The following OSBP2 variants were observed in gnomAD, a reference collection of about 807,000 sequenced individuals.
OSBP2 encodes oxysterol-binding protein 2.
In OSBP2, 66 loss-of-function variants were observed where a neutral mutation model predicts 96.0. The ratio of observed to expected loss-of-function variants is 0.69; its 90% CI spans 0.56 to 0.84. The LOEUF (loss-of-function observed/expected upper bound fraction) is 0.84, where lower values mean the gene tolerates loss of function less well. Ranked by LOEUF, OSBP2 falls within the 40% of genes least tolerant of loss-of-function variation. The probability of loss-of-function intolerance (pLI) is 0.00; values close to 1 mark genes in which losing one functional copy is unlikely to be tolerated. For missense variants in OSBP2, 1,038 were observed against 1,222.7 expected, an observed-to-expected ratio of 0.85 and a Z score of 2.25; for synonymous variants, 525 against 520.9, an observed-to-expected ratio of 1.01 and a Z score of -0.11.
At chr22:30,889,329 CA>C in intron 6 of OSBP2, 95 bp downstream of exon 6, 1 of 1,430,540 alleles carries the variant, frequency 7.0e-7, no homozygotes, top group Admixed American at 1.8e-5. Flanking sequence ...GGCCAGCAGG[CA>C]GGCCCATGCC....
chr22:30,695,720 G>A (rs2089018910), intron 1 of OSBP2, among the ~76,000 whole-genome samples, 167 bp downstream of exon 1: 1 of 152,246 alleles, frequency 6.6e-6, no homozygotes. Context: ...CAAGGGCCGG[G>A]GGCCCTGACC....
chr22:30,693,919 C>G (rs2088970571), upstream of OSBP2: 1 of 712,384 alleles, frequency 1.4e-6, no homozygotes, highest in East Asian at 2.8e-5. Context: ...GAACCAAGAT[C>G]ACGCCACTGC....
chr22:30,889,778 T>G lies in OSBP2; in HGVS notation c.1623+142T>G, dbSNP rs891005720. On this transcript the variant is annotated intron_variant, in intron 7 of 13. Coordinates refer to ENST00000332585, the MANE Select transcript of OSBP2 (RefSeq NM_030758.4). ...CGGCACCTGAGGAGCATGTAACTAA[T>G]TATCTAATCGTGCACATAGGCATTG... is the stretch of plus-strand genomic sequence containing the variant. The G allele has an allele frequency of 9.3e-6, 7 of 753,074 alleles. No individual in the cohort carries two copies. In the African/African-American group the frequency reaches 1.0e-4, roughly 11 times the overall value. 46.6% of individuals were successfully genotyped at this position (753,074 alleles called of 1,614,324 possible). A position where few individuals can be genotyped will look rare whatever the true frequency, so the allele number is the denominator to read the frequency against.
chr22:30,715,054 C>CTT (rs555357856), intron 1 of OSBP2, among the ~76,000 whole-genome samples: 1 of 145,632 alleles, frequency 6.9e-6, no homozygotes, highest in Admixed American at 6.9e-5. Context: ...GAAAATGTTT[C>CTT]TTTTTTTTTT....
rs1376443982 is a variant in OSBP2, at chr22:30,837,116, G to T, written c.854-33313G>T. ...AACAACAACTAAAATACAAAAATTAGCCAGGTGTAGTGGCATCTACCTGTA... is the reference window on the plus strand; with the variant it reads ...AACAACAACTAAAATACAAAAATTATCCAGGTGTAGTGGCATCTACCTGTA... On this transcript the variant is annotated intron_variant, in intron 2 of 13. Transcript: ENST00000332585. 2.0e-5 allele frequency among the ~76,000 whole-genome samples: 3 copies of T among 151,960 alleles called. No individual in the cohort carries two copies. The East Asian group carries it at 5.8e-4, about 29-fold the overall frequency.
rs78725557 is a variant in OSBP2 at position 30,726,863 on chromosome 22, A to T, written c.645-14298A>T. Among the ~76,000 whole-genome samples the T allele has an allele frequency of 3.9e-3, 590 of 152,330 alleles. 4 individuals carry two copies. The highest frequency in any genetic ancestry group is 0.013 in the African/African-American group (544 of 41,572). On this transcript the variant is annotated intron_variant, in intron 1 of 13. Coordinates refer to ENST00000332585, the MANE Select transcript of OSBP2 (RefSeq NM_030758.4). The stretch of plus-strand genomic sequence containing the variant: ...TCTCAGAGTGACAGCCTCATCTCCG[A>T]AAGTGAGCACTGCGTAAGTAGAGGC...
At chr22:30,861,439 G>A (rs920549561) in intron 2 of OSBP2, among the ~76,000 whole-genome samples, 5 of 152,224 alleles carry the variant, frequency 3.3e-5, no homozygotes, top group Non-Finnish European at 5.9e-5. Flanking sequence ...CTTAGCACTC[G>A]CTGCAGCAGG....
At chr22:30,822,191 G>A (rs1451809431) in intron 2 of OSBP2, among the ~76,000 whole-genome samples, 1 of 152,236 alleles carries the variant, frequency 6.6e-6, no homozygotes, top group East Asian at 1.9e-4. Context: ...CCCATTTCCC[G>A]CGTGCCCCTT....
intron 2 of OSBP2, among the ~76,000 whole-genome samples, chr22:30,751,480 A>G (rs2090073070): frequency 6.6e-6 from 1 of 151,684 alleles, no homozygotes; most frequent in South Asian, 2.1e-4. Context: ...TCAGCCTCCC[A>G]AGTAGCTGGG....
At position 30,695,291 on chromosome 22, in the gene OSBP2, T is replaced by C. The variant is rs2089007049; in HGVS notation, c.382T>C (p.Ser128Pro). Reference sequence around the variant, plus strand: ...CACTAAGGCCGCATCGGAGCCGCTCTCCCGGGCGGTGGGGAGCGCGACCTT... The same window carrying C: ...CACTAAGGCCGCATCGGAGCCGCTCCCCCGGGCGGTGGGGAGCGCGACCTT... Reference protein sequence around the residue: ...PFTKAASEPLSRAVGSATFLR... With the variant: ...PFTKAASEPLPRAVGSATFLR... Residue 128 changes from serine to proline, a missense_variant, in exon 1 of 14, where the codon TCC becomes CCC. Physicochemically the swap from Ser to Pro is moderately conservative, Grantham distance 74. This residue lies in a region of OSBP2 where 281 missense variants were observed against 273.4 expected (regional missense o/e 1.03). Coordinates refer to ENST00000332585, the MANE Select transcript of OSBP2 (RefSeq NM_030758.4). The C allele has an allele frequency of 1.2e-6, 2 of 1,613,426 alleles. No individual in the cohort carries two copies. Among genetic ancestry groups the C allele is most frequent in the Admixed American group, 1.7e-5 (1 of 60,024 alleles).
At chr22:30,856,420 T>C (rs2039080919) in intron 2 of OSBP2, among the ~76,000 whole-genome samples, 1 of 142,572 alleles carries the variant, frequency 7.0e-6, no homozygotes, top group Admixed American at 7.4e-5. Flanking sequence ...AGGGTCTTGC[T>C]CTGTAGCCCA....
At chr22:30,880,600 C>T (rs1192861431) in intron 3 of OSBP2, among the ~76,000 whole-genome samples, 1 of 152,196 alleles carries the variant, frequency 6.6e-6, no homozygotes, top group Non-Finnish European at 1.5e-5. Flanking sequence ...CCACTGAAGG[C>T]CAGACAGGGT....
At chr22:30,797,386 G>T (rs955354091) in intron 2 of OSBP2, among the ~76,000 whole-genome samples, 1 of 151,908 alleles carries the variant, frequency 6.6e-6, no homozygotes, top group African/African-American at 2.4e-5. Context: ...GGCTTCAAGC[G>T]ATTCTCCTGC....
chr22:30,762,115 G>T (rs928056545), intron 2 of OSBP2, among the ~76,000 whole-genome samples: 4 of 152,074 alleles, frequency 2.6e-5, no homozygotes, highest in Admixed American at 1.3e-4. Flanking sequence ...CAGCTATTTG[G>T]AGGCTGAGTC....
In OSBP2 at chr22:30,906,623, G is replaced by A; in HGVS notation, c.*284G>A. On this transcript the variant is annotated 3_prime_UTR_variant, in exon 14 of 14. Coordinates refer to ENST00000332585, the MANE Select transcript of OSBP2 (RefSeq NM_030758.4). ...CCCTGCCCCAGTTACCACAACTCAG[G>A]CCGGCTGGCCCGGGCCATGGGCTGC... 1 of 314,610 alleles carries A rather than the reference G, an allele frequency of 3.2e-6. No individual in the cohort carries two copies. The highest frequency in any genetic ancestry group is 5.8e-6 in the Non-Finnish European group (1 of 173,532). The allele number at this position is 314,610 out of a possible 1,614,324, so 19.5% of individuals were successfully genotyped here.
At chr22:30,892,027 C>T (rs914427414) in intron 8 of OSBP2, among the ~76,000 whole-genome samples, 1 of 151,950 alleles carries the variant, frequency 6.6e-6, no homozygotes, top group Admixed American at 6.5e-5. Flanking sequence ...GAGGGCGGTG[C>T]ACCCCGGGTG....
At chr22:30,697,178 A>C (rs943318420) in intron 1 of OSBP2, among the ~76,000 whole-genome samples, 1 of 152,246 alleles carries the variant, frequency 6.6e-6, no homozygotes, top group Non-Finnish European at 1.5e-5. Context: ...GGTAATGTTT[A>C]TAAGTATAGT....
At chr22:30,789,762 G>GA in intron 2 of OSBP2, among the ~76,000 whole-genome samples, 1 of 152,338 alleles carries the variant, frequency 6.6e-6, no homozygotes, top group Non-Finnish European at 1.5e-5. Flanking sequence ...AAGGTGGACA[G>GA]ACTTCAATTC....
intron 2 of OSBP2, among the ~76,000 whole-genome samples, chr22:30,778,984 C>T (rs916556343): frequency 1.0e-4 from 15 of 148,452 alleles, no homozygotes; most frequent in Admixed American, 2.7e-4. Flanking sequence ...TGCAGTGAGC[C>T]GAGATTGCCC....
Sources: allele counts gnomAD v4.1 joint callset (sites outside exome capture counted in the v4.1 genomes callset), GRCh38; gene constraint gnomAD v4.1.1; regional missense constraint gnomAD v4.1.1; transcripts MANE v1.5; gene names NCBI Gene and HGNC (gene_info 2026-07-23, HGNC 2026-07-21).